The following ASXL1 variants were observed in gnomAD, a reference collection of about 807,000 sequenced individuals.
ASXL1 encodes the protein ASXL transcriptional regulator 1, also known as polycomb group protein ASXL1.
In ASXL1, 65 loss-of-function variants were observed where a neutral mutation model predicts 89.1. That is an observed-to-expected ratio of 0.73 (90% CI 0.60 to 0.90). The LOEUF is 0.90. Among genes scored for constraint, ASXL1 ranks in the 40% least tolerant of loss-of-function variants. ASXL1 has a pLI of 0.00. For missense variants in ASXL1, 1,786 were observed against 1,942.9 expected (o/e 0.92, Z 1.52); for synonymous variants, 739 against 746.9 (o/e 0.99, Z 0.17).
Position 32,429,757 on chromosome 20 carries a change from G to A in ASXL1, c.566-144G>A. 8.5e-7 allele frequency: 1 copy of A among 1,181,148 alleles called. No homozygotes were observed. The highest frequency in any genetic ancestry group is 1.2e-6 in the Non-Finnish European group (1 of 843,342). The allele number at this position is 1,181,148 out of a possible 1,614,324, so 73.2% of individuals were successfully genotyped here. ...TTTAAAGCCAGACCATGAAGTGGTG[G>A]TTTCTCTCAGCCTAAGGCTGGGAGA... On this transcript the variant is annotated intron_variant, in intron 7 of 12. Coordinates refer to ENST00000375687, the MANE Select transcript of ASXL1 (RefSeq NM_015338.6). This position sits in a 1 kb window ranked among gnomAD's most constrained non-coding sequence, Gnocchi z 4.9.
intron 4 of ASXL1, among the ~76,000 whole-genome samples, chr20:32,423,253 AC>A (rs2011186980): frequency 6.6e-6 from 1 of 151,280 alleles, no homozygotes; most frequent in African/African-American, 2.4e-5. Context: ...ATTTTTTGAG[AC>A]AGTCTCACTC....
chr20:32,437,279 T>A lies in ASXL1; in HGVS notation c.4567T>A (p.Cys1523Ser). The A allele has an allele frequency of 6.2e-7, 1 of 1,614,190 alleles. No individual in the cohort carries two copies. Among genetic ancestry groups the A allele is most frequent in the Non-Finnish European group, 8.5e-7 (1 of 1,180,038 alleles). Residue 1523 changes from cysteine (C) to serine (S), a missense_variant, in exon 13 of 13, where the codon TGT becomes AGT. Coordinates refer to ENST00000375687, the MANE Select transcript of ASXL1 (RefSeq NM_015338.6). ...CATGTGCCAAGGCTGCGGTGCGTTC[T>A]GTCACGATGACTGTATTGGACCCTC... ...MIMCQGCGAF[C>S]HDDCIGPSKL...
At position 32,434,712 on chromosome 20, in the gene ASXL1, A is replaced by T. The variant is rs2145360493; in HGVS notation, c.2000A>T (p.Asp667Val). The T allele has an allele frequency of 6.2e-7, 1 of 1,610,016 alleles. No individual in the cohort carries two copies. The change falls in exon 13 of 13, where the codon GAT (aspartate) becomes GTT (valine). Residue 667 changes from aspartate (D) to valine (V), a missense_variant. Asp to Val is a radical substitution (Grantham distance 152). Coordinates refer to ENST00000375687, the MANE Select transcript of ASXL1 (RefSeq NM_015338.6). ...EGGGRGSSSG[D>V]GGEACGHPEP... ...GGTGGCAGAGGCAGCAGCAGTGGTG[A>T]TGGTGGTGAGGCCTGTGGCCACCCT...
chr20:32,408,073 G>A (rs1471416623), intron 4 of ASXL1, among the ~76,000 whole-genome samples: 2 of 152,036 alleles, frequency 1.3e-5, no homozygotes, highest in African/African-American at 4.8e-5. Flanking sequence ...GAGTAGCTGG[G>A]ATTATAAGCA....
intron 4 of ASXL1, among the ~76,000 whole-genome samples, chr20:32,420,377 T>C (rs1004531003): frequency 1.3e-5 from 2 of 152,216 alleles, no homozygotes; most frequent in African/African-American, 4.8e-5. Flanking sequence ...ACTTTATCAA[T>C]TTAAATGTTA....
At chr20:32,428,652 C>CTTTTTTTTTTT (rs35966674) in intron 6 of ASXL1, 2 of 128,860 alleles carry the variant, frequency 1.6e-5, no homozygotes, top group Admixed American at 1.6e-4. Context: ...TTTGTTCATT[C>CTTTTTTTTTTT]TTTTTTTTTT....
intron 1 of ASXL1, among the ~76,000 whole-genome samples, chr20:32,363,796 GAGAA>G (rs1191872490): frequency 6.6e-6 from 1 of 152,196 alleles, no homozygotes; most frequent in Non-Finnish European, 1.5e-5. Context: ...CATAGCAGGA[GAGAA>G]AGAGTCAGAG....
At chr20:32,403,278 C>A (rs567141416) in intron 4 of ASXL1, among the ~76,000 whole-genome samples, 3 of 152,168 alleles carry the variant, frequency 2.0e-5, no homozygotes, top group African/African-American at 7.2e-5. Context: ...CTGTCAATAC[C>A]GTACTGTCTT....
chr20:32,436,776 A>G lies in ASXL1; in HGVS notation c.4064A>G (p.Asp1355Gly), dbSNP rs751971997. 8.7e-6 allele frequency: 14 copies of G among 1,614,192 alleles called. No individual in the cohort carries two copies. The highest frequency in any genetic ancestry group is 3.3e-5 in the South Asian group (3 of 91,084). Residue 1355 changes from aspartate to glycine, a missense_variant, in exon 13 of 13, where the codon GAC becomes GGC. By Grantham distance (94) the Asp-to-Gly change is moderately conservative. Coordinates refer to ENST00000375687, the MANE Select transcript of ASXL1 (RefSeq NM_015338.6). ...GGTGGGGTACAGACTCCAAGGGAAG[A>G]CTGGGCTCCAAAGCCACATGCCTTT... ...MSGGVQTPRE[D>G]WAPKPHAFVG...
intron 4 of ASXL1, among the ~76,000 whole-genome samples, chr20:32,417,787 T>C (rs2049163404): frequency 6.6e-6 from 1 of 152,250 alleles, no homozygotes; most frequent in Middle Eastern, 3.4e-3. Flanking sequence ...GGCTCACACC[T>C]GTAGTCCTAG....
chr20:32,391,769 G>A (rs2048675925), intron 4 of ASXL1, among the ~76,000 whole-genome samples: 1 of 152,186 alleles, frequency 6.6e-6, no homozygotes, highest in African/African-American at 2.4e-5. Context: ...GATTGCAGGT[G>A]TGAGCCACCA....
At chr20:32,385,326 A>G (rs762033782) in intron 4 of ASXL1, among the ~76,000 whole-genome samples, 1 of 152,242 alleles carries the variant, frequency 6.6e-6, no homozygotes. Flanking sequence ...TTGAAGCTTC[A>G]GCTAAATGAG....
chr20:32,396,369 G>C (rs1055949373), intron 4 of ASXL1, among the ~76,000 whole-genome samples: 1 of 152,164 alleles, frequency 6.6e-6, no homozygotes, highest in South Asian at 2.1e-4. Flanking sequence ...ATTTGTTCTG[G>C]AGTGCAGATG....
In ASXL1 at chr20:32,438,577, G is replaced by T; in HGVS notation, c.*1239G>T. On this transcript the variant is annotated 3_prime_UTR_variant, in exon 13 of 13. Coordinates refer to ENST00000375687, the MANE Select transcript of ASXL1 (RefSeq NM_015338.6). ...CCTGCCCACATGCCACCGAGCAAAC[G>T]CATCTTGCTTTTCACATCTCTCCTC... The T allele has an allele frequency of 4.3e-6, 1 of 233,582 alleles. No homozygotes were observed. The highest frequency in any genetic ancestry group is 8.5e-6 in the Non-Finnish European group (1 of 118,006). 14.5% of individuals were successfully genotyped at this position (233,582 alleles called of 1,614,324 possible).
intron 4 of ASXL1, among the ~76,000 whole-genome samples, chr20:32,385,589 T>C (rs2048565507): frequency 6.6e-6 from 1 of 152,228 alleles, no homozygotes; most frequent in Admixed American, 6.5e-5. Context: ...TGGAAAGTTA[T>C]CTGTCCTGAC....
At chr20:32,369,203 T>C in intron 4 of ASXL1, 80 bp downstream of exon 4, 1 of 1,324,970 alleles carries the variant, frequency 7.5e-7, no homozygotes, top group Non-Finnish European at 1.1e-6. Flanking sequence ...AGGTCTGGAA[T>C]AGGGGCCATG....
At chr20:32,433,030 G>C (rs773593691) in intron 11 of ASXL1, 45 bp downstream of exon 11, 1 of 1,607,556 alleles carries the variant, frequency 6.2e-7, no homozygotes, top group African/African-American at 1.3e-5. Flanking sequence ...GTTTTGAGGG[G>C]ATAGAGGTAG....
In ASXL1 at chr20:32,428,108, G is replaced by A. The variant is rs767417965; in HGVS notation, c.253-20G>A. On this transcript the variant is annotated intron_variant, in intron 4 of 12. Coordinates refer to ENST00000375687, the MANE Select transcript of ASXL1 (RefSeq NM_015338.6). ...AATTTGTAGGGTTTTGTTCACCTGA[G>A]TTGTACCTTGCTGTCACAGAAGGAT... 3.7e-6 allele frequency: 6 copies of A among 1,612,618 alleles called. No individual in the cohort carries two copies. The highest frequency in any genetic ancestry group is 1.3e-5 in the African/African-American group (1 of 74,870).
intron 4 of ASXL1, among the ~76,000 whole-genome samples, chr20:32,395,787 C>T (rs2048750951): frequency 6.6e-6 from 1 of 152,132 alleles, no homozygotes; most frequent in African/African-American, 2.4e-5. Flanking sequence ...TACCTTTTAT[C>T]CTTAAAAATT....
Sources: allele counts gnomAD v4.1 joint callset (sites outside exome capture counted in the v4.1 genomes callset), GRCh38; gene constraint gnomAD v4.1.1; non-coding constraint Gnocchi (gnomAD v3.1); transcripts MANE v1.5; gene names NCBI Gene and HGNC (gene_info 2026-07-23, HGNC 2026-07-21).